Variants in SAMTOR observed in about 807,000 individuals in gnomAD.
SAMTOR encodes the protein S-adenosylmethionine sensor upstream of mTORC1.
chr7:112,832,179 AT>A, the SAMTOR span, among the ~76,000 whole-genome samples: 3 of 151,492 alleles, frequency 2.0e-5, no homozygotes, highest in East Asian at 2.0e-4. Context: ...GCCCAGCTAC[AT>A]TTTTTTTATT....
chr7:112,861,546 T>C, the SAMTOR span, among the ~76,000 whole-genome samples: 7 of 152,214 alleles, frequency 4.6e-5, no homozygotes, highest in African/African-American at 1.7e-4. Context: ...GCTTCTACAA[T>C]AAATATGGCT....
chr7:112,827,252 G>T, the SAMTOR span, among the ~76,000 whole-genome samples: 1 of 152,088 alleles, frequency 6.6e-6, no homozygotes, highest in East Asian at 1.9e-4. Flanking sequence ...CTTTCAATTG[G>T]GGCATTTAGG....
the SAMTOR span, among the ~76,000 whole-genome samples, chr7:112,867,638 T>C: frequency 6.6e-6 from 1 of 152,232 alleles, no homozygotes; most frequent in Non-Finnish European, 1.5e-5. Context: ...TCAAAACTTT[T>C]GGATAATGTT....
chr7:112,934,284 C>T, the SAMTOR span, among the ~76,000 whole-genome samples: 4 of 152,136 alleles, frequency 2.6e-5, no homozygotes, highest in Non-Finnish European at 4.4e-5. Flanking sequence ...GTTTACTTGC[C>T]TCAAAGATTC....
the SAMTOR span, chr7:112,915,491 G>C: frequency 1.4e-6 from 2 of 1,446,476 alleles, no homozygotes; most frequent in South Asian, 2.9e-5. Context: ...ACTGAAACAT[G>C]TCAGACTCTT....
chr7:112,872,967 C>CCA, the SAMTOR span, among the ~76,000 whole-genome samples: 17 of 150,128 alleles, frequency 1.1e-4, no homozygotes, highest in South Asian at 4.2e-4. Flanking sequence ...ACCCACACAC[C>CCA]CACACACACA....
chr7:112,935,644 CTGTT>C, the SAMTOR span, among the ~76,000 whole-genome samples: 1 of 152,002 alleles, frequency 6.6e-6, no homozygotes, highest in Non-Finnish European at 1.5e-5. Context: ...TGTTTTAAAT[CTGTT>C]TGGTATGCAG....
the SAMTOR span, among the ~76,000 whole-genome samples, chr7:112,933,120 T>C: frequency 6.6e-6 from 1 of 152,342 alleles, no homozygotes; most frequent in Non-Finnish European, 1.5e-5. Flanking sequence ...GGTTAACATC[T>C]CTATTATTTT....
chr7:112,854,436 T>C, the SAMTOR span, among the ~76,000 whole-genome samples: 1 of 152,214 alleles, frequency 6.6e-6, no homozygotes, highest in South Asian at 2.1e-4. Flanking sequence ...ATGAAAAAAA[T>C]TCTGCCTATC....
the SAMTOR span, among the ~76,000 whole-genome samples, chr7:112,824,283 A>C: frequency 6.6e-6 from 1 of 152,018 alleles, no homozygotes; most frequent in South Asian, 2.1e-4. Flanking sequence ...TTTTTTCAAA[A>C]TGTTTTCCTT....
chr7:112,832,769 C>T, the SAMTOR span: 1 of 717,354 alleles, frequency 1.4e-6, no homozygotes, highest in African/African-American at 1.8e-5. Flanking sequence ...TCTCAGGACC[C>T]TTTTACACAT....
chr7:112,917,359 A>G, the SAMTOR span, among the ~76,000 whole-genome samples: 15 of 152,232 alleles, frequency 9.9e-5, no homozygotes, highest in African/African-American at 2.4e-4. Context: ...GACCTCTGGC[A>G]AACTCCAACA....
chr7:112,916,274 T>A, the SAMTOR span, among the ~76,000 whole-genome samples: 2 of 152,106 alleles, frequency 1.3e-5, no homozygotes, highest in Non-Finnish European at 2.9e-5. Flanking sequence ...CTAATAAAGG[T>A]AGGAGAATGC....
the SAMTOR span, among the ~76,000 whole-genome samples, chr7:112,861,810 T>TA: frequency 2.6e-5 from 4 of 152,312 alleles, no homozygotes; most frequent in East Asian, 5.8e-4. Flanking sequence ...GTCCCCTTTT[T>TA]AAAAAAACCT....
At chr7:112,844,682 TAC>T in the SAMTOR span, among the ~76,000 whole-genome samples, 5 of 152,176 alleles carry the variant, frequency 3.3e-5, no homozygotes, top group Non-Finnish European at 5.9e-5. Flanking sequence ...CAAAGCAATT[TAC>T]AGAGTCAATG....
the SAMTOR span, among the ~76,000 whole-genome samples, chr7:112,861,430 C>G: frequency 6.6e-6 from 1 of 152,040 alleles, no homozygotes; most frequent in Non-Finnish European, 1.5e-5. Context: ...TTGTTTGAGC[C>G]CAGCCTGGTC....
chr7:112,919,139 A>C, the SAMTOR span, among the ~76,000 whole-genome samples: 2 of 152,196 alleles, frequency 1.3e-5, no homozygotes, highest in Non-Finnish European at 2.9e-5. Flanking sequence ...AATCAACAGA[A>C]TATACATTTT....
At chr7:112,907,574 T>C in the SAMTOR span, among the ~76,000 whole-genome samples, 5 of 150,594 alleles carry the variant, frequency 3.3e-5, no homozygotes, top group Admixed American at 6.6e-5. Context: ...TATTTATAAA[T>C]GATATAAAGA....
the SAMTOR span, among the ~76,000 whole-genome samples, chr7:112,902,433 A>AAC: frequency 8.9e-6 from 1 of 112,250 alleles, no homozygotes; most frequent in African/African-American, 4.0e-5. Context: ...AAAAAACAAA[A>AAC]AAAAACAAAA....
Sources: allele counts gnomAD v4.1 joint callset (sites outside exome capture counted in the v4.1 genomes callset), GRCh38; gene constraint gnomAD v4.1.1; transcripts MANE v1.5; gene names NCBI Gene and HGNC (gene_info 2026-07-23, HGNC 2026-07-21).